Variants in MAPKBP1 observed in about 807,000 individuals in gnomAD.
MAPKBP1 encodes mitogen-activated protein kinase-binding protein 1.
MAPKBP1 carries 71 observed loss-of-function variants against 170.5 expected under a neutral mutation model. That is an observed-to-expected ratio of 0.42 (90% CI 0.34 to 0.51). The LOEUF (loss-of-function observed/expected upper bound fraction) is 0.51. Among genes scored for constraint, MAPKBP1 ranks in the 20% least tolerant of loss-of-function variants. The pLI is 0.06. For synonymous variants in MAPKBP1, 719 were observed against 757.9 expected, an observed-to-expected ratio of 0.95 and a Z score of 0.84; for missense variants, 1,598 against 1,933.0, an observed-to-expected ratio of 0.83 and a Z score of 3.25.
chr15:41,824,152 G>A, intron 29 of MAPKBP1, 91 bp downstream of exon 29: 1 of 1,484,108 alleles, frequency 6.7e-7, no homozygotes, highest in Non-Finnish European at 9.0e-7. Flanking sequence ...ATTTCTGTGG[G>A]TACAGCTTCT....
Position 41,826,908 on chromosome 15 carries a change from C to T in MAPKBP1, c.*1472C>T, listed in dbSNP as rs1271708865. ...TTTTTCTGGGCCCTACTGCTCCCCT[C>T]TGCTGCAGGTAAGTCAGAGCAGCTT... is the stretch of plus-strand genomic sequence containing the variant. On this transcript the variant is annotated 3_prime_UTR_variant, in exon 31 of 31. Coordinates refer to ENST00000457542, the MANE Select transcript of MAPKBP1 (RefSeq NM_014994.3). 1 of 152,286 alleles carries T rather than the reference C, an allele frequency of 6.6e-6. No homozygotes were observed. The highest frequency in any genetic ancestry group is 1.5e-5 in the Non-Finnish European group (1 of 68,092). The allele number at this position is 152,286 out of a possible 1,614,324, so 9.4% of individuals were successfully genotyped here.
intron 8 of MAPKBP1, chr15:41,813,399 A>C (rs377377768): frequency 6.6e-7 from 1 of 1,513,616 alleles, no homozygotes; most frequent in African/African-American, 1.4e-5. Flanking sequence ...CTTTCTCTTC[A>C]CTGGGCTTTT....
rs1596095818 is a variant in MAPKBP1 at position 41,819,520 on chromosome 15, T to C, written c.2426-75T>C. 8 of 1,311,040 alleles carry C rather than the reference T, an allele frequency of 6.1e-6. No individual in the cohort carries two copies. In the South Asian group the frequency reaches 7.5e-5, roughly 12 times the overall value. The allele number at this position is 1,311,040 out of a possible 1,614,324, so 81.2% of individuals were successfully genotyped here. A position where few individuals can be genotyped will look rare whatever the true frequency, so the allele number is the denominator to read the frequency against. ...TGTGGCCACACAGGGTATGGGCTGA[T>C]GGGGCCAGGGCTCCAGGGTTGGGTG... On this transcript the variant is annotated intron_variant, in intron 21 of 30. Transcript: ENST00000457542.
Position 41,778,129 on chromosome 15 carries a change from C to T in MAPKBP1, c.114+2740C>T, listed in dbSNP as rs572805185. On this transcript the variant is annotated intron_variant, in intron 2 of 30. Coordinates refer to ENST00000457542, the MANE Select transcript of MAPKBP1 (RefSeq NM_014994.3). ...GGGGTCATGCTCTTTATTTCCTTTACATCACACCGTTTAGGACAGTGTAAG... is the reference window on the plus strand; with the variant it reads ...GGGGTCATGCTCTTTATTTCCTTTATATCACACCGTTTAGGACAGTGTAAG... 4.7e-4 allele frequency among the ~76,000 whole-genome samples: 72 copies of T among 152,254 alleles called. 1 individual carries two copies. In the South Asian group the frequency reaches 0.015, roughly 31 times the overall value.
intron 3 of MAPKBP1, among the ~76,000 whole-genome samples, chr15:41,810,471 C>G (rs951537970): frequency 4.0e-5 from 6 of 150,060 alleles, no homozygotes; most frequent in African/African-American, 1.2e-4. Flanking sequence ...AATCCCAGCA[C>G]TTTGGGAGGC....
chr15:41,816,183 G>A (rs930591491), intron 12 of MAPKBP1: 4 of 336,150 alleles, frequency 1.2e-5, no homozygotes, highest in African/African-American at 6.2e-5. Flanking sequence ...AGTAAGGAAA[G>A]ACCAGAGAAC....
chr15:41,809,663 G>T (rs1267476776), intron 3 of MAPKBP1, among the ~76,000 whole-genome samples: 3 of 152,244 alleles, frequency 2.0e-5, no homozygotes, highest in African/African-American at 7.2e-5. Flanking sequence ...GGGGCAACGG[G>T]CCAGGGCCTG....
chr15:41,823,402 C>G (rs1265998970), intron 28 of MAPKBP1, 45 bp from the exon 29 acceptor site: 1 of 1,571,298 alleles, frequency 6.4e-7, no homozygotes, highest in South Asian at 1.2e-5. Context: ...ACCTGGGATG[C>G]CTTCCTCAAC....
rs764011225 is a variant in MAPKBP1, at chr15:41,818,957, G to A, written c.2291G>A (p.Arg764Gln). 1.1e-5 allele frequency: 18 copies of A among 1,613,738 alleles called. No homozygotes were observed. The highest frequency in any genetic ancestry group is 1.6e-4 in the Middle Eastern group (1 of 6,084). The part of the protein sequence containing the change: ...SSPQRASGPN[R>Q]HQAPSMLSPG... ...CCCCAAAGGGCTTCTGGACCCAACC[G>A]GTGAGAACAGAATGTGGGCAAGTGA... Residue 764 changes from arginine to glutamine, a missense_variant and splice_region_variant, in exon 20 of 31, where the codon CGG becomes CAG. Around this residue, in one of 6 missense-constraint regions of MAPKBP1, gnomAD observed 942 missense variants for 953.2 expected, o/e 0.99. Transcript: ENST00000457542. The surrounding 1 kb of genome is among the most constrained non-coding windows in gnomAD (Gnocchi z 5.2).
In MAPKBP1 at chr15:41,814,083, G is replaced by A. The variant is rs149102405; in HGVS notation, c.980+302G>A. ...GAAGTATTCTGGTTGGATGCTGTCC[G>A]GAACTAGGGGCAATTCTACAGTGGA... is the stretch of plus-strand genomic sequence containing the variant. On this transcript the variant is annotated intron_variant, in intron 9 of 30. Coordinates refer to ENST00000457542, the MANE Select transcript of MAPKBP1 (RefSeq NM_014994.3). Among the ~76,000 whole-genome samples the A allele has an allele frequency of 3.7e-3, 566 of 152,280 alleles. 3 individuals are homozygous for A. Among genetic ancestry groups the A allele is most frequent in the African/African-American group, 0.013 (546 of 41,544 alleles).
chr15:41,812,804 A>G (rs2064826273), intron 7 of MAPKBP1, 115 bp from the exon 8 acceptor site: 1 of 1,442,406 alleles, frequency 6.9e-7, no homozygotes, highest in East Asian at 2.3e-5. Context: ...TGGGCTGAGG[A>G]GTAGGCCCAA....
At chr15:41,788,339 A>G (rs1201694105) in intron 2 of MAPKBP1, among the ~76,000 whole-genome samples, 6 of 152,236 alleles carry the variant, frequency 3.9e-5, no homozygotes, top group African/African-American at 1.4e-4. Flanking sequence ...GCCCTGTGCT[A>G]TAAGCATACA....
intron 2 of MAPKBP1, among the ~76,000 whole-genome samples, chr15:41,795,783 G>A (rs1258568207): frequency 6.6e-6 from 1 of 151,690 alleles, no homozygotes. Flanking sequence ...ATTTTTTTTT[G>A]TATTTTTATT....
chr15:41,809,271 A>G (rs1567146522), intron 3 of MAPKBP1, among the ~76,000 whole-genome samples: 1 of 147,096 alleles, frequency 6.8e-6, no homozygotes, highest in Non-Finnish European at 1.5e-5. Flanking sequence ...TGGAGAAAGA[A>G]GGAGGAAAAA....
chr15:41,820,926 G>C lies in MAPKBP1; in HGVS notation c.2576G>C (p.Ser859Thr). The C allele has an allele frequency of 1.2e-6, 2 of 1,614,208 alleles. No individual in the cohort carries two copies. The highest frequency in any genetic ancestry group is 1.7e-6 in the Non-Finnish European group (2 of 1,180,042). ...TGGGTTCAGCCAGGTGTGGAACTGA[G>C]CGTTAGATCCATGCTGGATCTGCGG... is the stretch of plus-strand genomic sequence containing the variant. ...GRWVQPGVELSVRSMLDLRQL... is the reference protein window; with the variant it reads ...GRWVQPGVELTVRSMLDLRQL... Residue 859 changes from serine (S) to threonine (T), a missense_variant, in exon 23 of 31, where the codon AGC becomes ACC. Around this residue, in one of 6 missense-constraint regions of MAPKBP1, gnomAD observed 942 missense variants for 953.2 expected, o/e 0.99. Transcript: ENST00000457542.
intron 23 of MAPKBP1, 26 bp from the exon 24 acceptor site, chr15:41,821,558 G>C: frequency 6.3e-7 from 1 of 1,597,858 alleles, no homozygotes; most frequent in Non-Finnish European, 8.5e-7. Flanking sequence ...CCTCTGCTCT[G>C]TTAACATCCC....
intron 2 of MAPKBP1, among the ~76,000 whole-genome samples, chr15:41,777,138 C>T (rs1383621537): frequency 2.0e-5 from 3 of 152,026 alleles, no homozygotes; most frequent in Admixed American, 6.6e-5. Context: ...GTCAGGAGTT[C>T]GAAACCAGCC....
At chr15:41,775,473 A>G (rs376446996) in intron 2 of MAPKBP1, 84 bp downstream of exon 2, 2 of 994,398 alleles carry the variant, frequency 2.0e-6, no homozygotes, top group South Asian at 1.4e-5. Context: ...TTCTTGGGAA[A>G]GATAACTAGA....
chr15:41,810,728 A>AG (rs2152077927), intron 3 of MAPKBP1, 155 bp from the exon 4 acceptor site: 1 of 605,170 alleles, frequency 1.7e-6, no homozygotes, highest in East Asian at 2.8e-5. Context: ...AAAAAAAAAA[A>AG]AAAAAAAAAA....
Sources: gnomAD v4.1 joint callset for allele counts (sites outside exome capture counted in the v4.1 genomes callset) on GRCh38, gnomAD v4.1.1 for gene constraint, gnomAD v4.1.1 regional missense constraint, Gnocchi (gnomAD v3.1) non-coding constraint, MANE v1.5 for transcripts, NCBI Gene and HGNC (gene_info 2026-07-23, HGNC 2026-07-21) for gene names.